STARD8: variants seen among roughly 807,000 people sequenced by gnomAD.
The protein encoded by STARD8 is stAR-related lipid transfer protein 8.
In STARD8, 25 loss-of-function variants were observed where a neutral mutation model predicts 69.4. The observed-to-expected ratio is 0.36, with a 90% CI of 0.26 to 0.50. The LOEUF (loss-of-function observed/expected upper bound fraction) is 0.50. STARD8 is among the 20% of genes least tolerant of loss of function. STARD8 has a pLI of 0.96. For missense variants in STARD8, 921 were observed against 932.5 expected (o/e 0.99, Z 0.16); for synonymous variants, 389 against 374.6 (o/e 1.04, Z -0.45).
intron 2 of STARD8, among the ~76,000 whole-genome samples, chrX:68,711,965 G>A (rs1176004590): frequency 8.9e-6 from 1 of 112,959 alleles, no homozygotes; most frequent in Non-Finnish European, 1.9e-5. Context: ...ACCTGGGTGG[G>A]AAGCAAATAA....
At chrX:68,666,966 C>G (rs2079687658) in intron 2 of STARD8, among the ~76,000 whole-genome samples, 1 of 111,747 alleles carries the variant, frequency 8.9e-6, no homozygotes, top group South Asian at 3.7e-4. Context: ...CCCACAGCTG[C>G]CAAGTTACTT....
chrX:68,716,173 C>T (rs1247565796), intron 4 of STARD8, among the ~76,000 whole-genome samples, 195 bp from the exon 5 acceptor site: 3 of 112,133 alleles, frequency 2.7e-5, no homozygotes. Context: ...TTTATTTCCA[C>T]TCTCTTTGTA....
intron 2 of STARD8, among the ~76,000 whole-genome samples, chrX:68,679,718 G>C (rs1255785625): frequency 1.8e-5 from 2 of 112,048 alleles, no homozygotes; most frequent in Non-Finnish European, 3.8e-5. Flanking sequence ...CATTGCACAG[G>C]GTTTGGGGTT....
Position 68,717,527 on chromosome X carries a change from C to A in STARD8, c.613C>A (p.Arg205Ser). ...GPQDKAKKRH[R>S]NRSFLKHLES... ...CCAGGACAAAGCCAAGAAGCGCCATCGTAACCGTAGCTTCCTCAAGCACCT... is the reference window on the plus strand; with the variant it reads ...CCAGGACAAAGCCAAGAAGCGCCATAGTAACCGTAGCTTCCTCAAGCACCT... Residue 205 changes from arginine (R) to serine (S), a missense_variant, in exon 6 of 15, where the codon CGT becomes AGT. Arg to Ser is a moderately radical substitution (Grantham distance 110). Coordinates refer to ENST00000374599, the MANE Select transcript of STARD8 (RefSeq NM_001142503.3). The A allele has an allele frequency of 8.3e-7, 1 of 1,211,068 alleles. No homozygotes were observed. Among genetic ancestry groups the A allele is most frequent in the South Asian group, 1.8e-5 (1 of 56,968 alleles).
intron 1 of STARD8, among the ~76,000 whole-genome samples, chrX:68,648,537 G>T (rs2079528823): frequency 9.0e-6 from 1 of 111,431 alleles, no homozygotes; most frequent in South Asian, 3.8e-4. Flanking sequence ...GAGGTGGGAG[G>T]ATCACTTGAG....
chrX:68,710,638 C>A (rs936203411), intron 2 of STARD8, among the ~76,000 whole-genome samples: 4 of 112,065 alleles, frequency 3.6e-5, no homozygotes, highest in Non-Finnish European at 1.9e-5. Flanking sequence ...GAGGGAGGTG[C>A]CTCTCCTACC....
intron 2 of STARD8, among the ~76,000 whole-genome samples, chrX:68,694,130 G>T (rs2079900591): frequency 8.8e-6 from 1 of 113,116 alleles, no homozygotes; most frequent in Non-Finnish European, 1.9e-5. Flanking sequence ...CGTGGGTCTC[G>T]CAGCCGTCGC....
intron 2 of STARD8, among the ~76,000 whole-genome samples, chrX:68,705,093 T>C (rs1239215190): frequency 3.6e-5 from 4 of 112,239 alleles, no homozygotes; most frequent in African/African-American, 1.3e-4. Flanking sequence ...AACAACTCTC[T>C]CTTTCCTAGG....
intron 2 of STARD8, among the ~76,000 whole-genome samples, chrX:68,708,013 T>C (rs1460785058): frequency 1.8e-5 from 2 of 112,147 alleles, no homozygotes; most frequent in Admixed American, 9.5e-5. Context: ...TTTCAACTGG[T>C]ACACAATCTG....
intron 14 of STARD8, 56 bp downstream of exon 14, chrX:68,724,177 C>T (rs1257412011): frequency 4.2e-6 from 5 of 1,180,549 alleles, no homozygotes; most frequent in Non-Finnish European, 5.7e-6. Context: ...CCTCCCCTGC[C>T]TCTGCCCCTA....
chrX:68,669,448 C>T (rs1049486304), intron 2 of STARD8, among the ~76,000 whole-genome samples: 1 of 112,127 alleles, frequency 8.9e-6, no homozygotes, highest in Non-Finnish European at 1.9e-5. Context: ...CCCCACACTC[C>T]GCGGAGCTCA....
intron 1 of STARD8, among the ~76,000 whole-genome samples, chrX:68,656,774 C>T (rs778301409): frequency 9.0e-6 from 1 of 110,950 alleles, no homozygotes; most frequent in East Asian, 2.8e-4. Context: ...AACCAAACAC[C>T]GCATGTTCTC....
intron 2 of STARD8, among the ~76,000 whole-genome samples, chrX:68,668,282 T>TTCTTTCTTTC (rs1569355566): frequency 9.6e-5 from 9 of 93,365 alleles, no homozygotes; most frequent in African/African-American, 3.7e-4. Flanking sequence ...TTCTCTTTCT[T>TTCTTTCTTTC]TCTTTCTTTC....
intron 2 of STARD8, among the ~76,000 whole-genome samples, chrX:68,708,781 G>A (rs2080027906): frequency 8.9e-6 from 1 of 112,514 alleles, no homozygotes; most frequent in Admixed American, 9.4e-5. Context: ...AAAACTGCTG[G>A]CAGCCATGCC....
At chrX:68,669,489 G>A (rs1352709820) in intron 2 of STARD8, among the ~76,000 whole-genome samples, 1 of 112,431 alleles carries the variant, frequency 8.9e-6, no homozygotes, top group Non-Finnish European at 1.9e-5. Context: ...CCACAGAGGT[G>A]AGGAGGCTGC....
intron 12 of STARD8, among the ~76,000 whole-genome samples, chrX:68,723,196 T>C (rs1055407543): frequency 8.9e-6 from 1 of 112,634 alleles, no homozygotes; most frequent in African/African-American, 3.2e-5. Flanking sequence ...AAAATGGTCA[T>C]AACAAAACCT....
chrX:68,680,536 G>A (rs902460222), intron 2 of STARD8, among the ~76,000 whole-genome samples: 3 of 112,582 alleles, frequency 2.7e-5, no homozygotes, highest in East Asian at 2.8e-4. Context: ...ACTGCAAAAC[G>A]CTCCTCTGAC....
At chrX:68,700,267 T>C (rs972553618) in intron 2 of STARD8, among the ~76,000 whole-genome samples, 1 of 112,280 alleles carries the variant, frequency 8.9e-6, no homozygotes, top group Non-Finnish European at 1.9e-5. Context: ...TCCATTGTGT[T>C]CTTAGAGCAG....
At chrX:68,668,481 C>A (rs909856772) in intron 2 of STARD8, among the ~76,000 whole-genome samples, 9 of 109,213 alleles carry the variant, frequency 8.2e-5, no homozygotes, top group African/African-American at 1.7e-4. Flanking sequence ...GGTGCATCGC[C>A]ACGCCCAGCT....
Sources: gnomAD v4.1 joint callset for allele counts (sites outside exome capture counted in the v4.1 genomes callset) on GRCh38, gnomAD v4.1.1 for gene constraint, MANE v1.5 for transcripts, NCBI Gene and HGNC (gene_info 2026-07-23, HGNC 2026-07-21) for gene names.